CTSB: variants seen among roughly 807,000 people sequenced by gnomAD.
CTSB encodes the protein cathepsin B.
Under a neutral mutation model 44.3 loss-of-function variants are expected in CTSB, and 57 were observed. That is an observed-to-expected ratio of 1.29 (90% CI 1.04 to 1.60). CTSB has a LOEUF of 1.60. Among genes scored for constraint, CTSB ranks in the 40% most tolerant of loss-of-function variants. The probability of loss-of-function intolerance (pLI) is 0.00; values close to 1 mark genes in which losing one functional copy is unlikely to be tolerated. For missense variants in CTSB, 768 were observed against 443.0 expected, an observed-to-expected ratio of 1.73 and a Z score of -6.59; for synonymous variants, 320 against 168.0, an observed-to-expected ratio of 1.91 and a Z score of -7.00.
Position 11,867,080 on chromosome 8 carries a change from T to G in CTSB, c.-26+921A>C, listed in dbSNP as rs117131539. 2.6e-3 allele frequency among the ~76,000 whole-genome samples: 397 copies of G among 152,262 alleles called. 14 individuals are homozygous for G. In the East Asian group the frequency reaches 0.063, roughly 24 times the overall value. On this transcript the variant is annotated intron_variant, in intron 1 of 9. Transcript: ENST00000353047. ...GGGCCTGCGCTAGGGTCCTTTTCTT[T>G]GCCAGCCTGCTGGCTTTCTCAGCGC...
chr8:11,854,447 G>C (rs1815175490), intron 1 of CTSB, among the ~76,000 whole-genome samples: 1 of 151,902 alleles, frequency 6.6e-6, no homozygotes, highest in Admixed American at 6.6e-5. Flanking sequence ...ATTCATCTAG[G>C]AGAATAAATA....
chr8:11,864,180 G>C (rs1041786181), intron 1 of CTSB, among the ~76,000 whole-genome samples: 39 of 151,980 alleles, frequency 2.6e-4, no homozygotes, highest in African/African-American at 9.4e-4. Flanking sequence ...AGTTTTAAAA[G>C]TACAAAAAGG....
chr8:11,867,166 C>G (rs1287361823), intron 1 of CTSB: 3 of 152,256 alleles, frequency 2.0e-5, no homozygotes, highest in Admixed American at 2.0e-4. Flanking sequence ...CCACCTGGGT[C>G]GCCCACCCCA....
chr8:11,859,785 A>C (rs1226366012), intron 1 of CTSB, among the ~76,000 whole-genome samples: 1 of 136,550 alleles, frequency 7.3e-6, no homozygotes, highest in African/African-American at 2.8e-5. Context: ...AAAAAAAAAA[A>C]AAAAAAAGGC....
At chr8:11,856,884 T>C (rs1190737257) in intron 1 of CTSB, among the ~76,000 whole-genome samples, 1 of 152,120 alleles carries the variant, frequency 6.6e-6, no homozygotes, top group Non-Finnish European at 1.5e-5. Context: ...ATGTTCCTAT[T>C]ATTTCAGTTT....
chr8:11,867,090 C>A (rs1382341424), intron 1 of CTSB, among the ~76,000 whole-genome samples: 1 of 152,106 alleles, frequency 6.6e-6, no homozygotes. Flanking sequence ...TGCCAGCCTG[C>A]TGGCTTTCTC....
intron 5 of CTSB, 54 bp from the exon 6 acceptor site, chr8:11,848,206 A>G (rs759804140): frequency 6.6e-7 from 1 of 1,504,434 alleles, no homozygotes; most frequent in Non-Finnish European, 9.3e-7. Context: ...CCAGCTCTCC[A>G]GACCACTGTG....
intron 8 of CTSB, 142 bp from the exon 9 acceptor site, chr8:11,845,931 G>T: frequency 1.1e-6 from 1 of 951,700 alleles, no homozygotes; most frequent in Non-Finnish European, 1.5e-6. Context: ...AGGCTCCAGG[G>T]GGGGTCCCAC....
In CTSB at chr8:11,851,330, C is replaced by T. The variant is rs1814568335; in HGVS notation, c.213-350G>A. 4.0e-5 allele frequency among the ~76,000 whole-genome samples: 6 copies of T among 151,842 alleles called. No individual in the cohort carries two copies. In the South Asian group the frequency reaches 1.3e-3, roughly 32 times the overall value. Reference sequence around the variant, plus strand: ...TCAGCCTCCTGAGTAGCTGGGATTACAGGCATGCACCACCACACCCGGCTA... The same window carrying T: ...TCAGCCTCCTGAGTAGCTGGGATTATAGGCATGCACCACCACACCCGGCTA... On this transcript the variant is annotated intron_variant, in intron 3 of 9. Transcript: ENST00000353047.
Position 11,842,936 on chromosome 8 carries a change from CTT to C in CTSB, c.*2187_*2188del, listed in dbSNP as rs56927740. The C allele has an allele frequency of 0.33, 29,520 of 90,732 alleles. 4,763 individuals carry two copies. Among genetic ancestry groups the C allele is most frequent in the Non-Finnish European group, 0.39 (19,145 of 48,592 alleles). 5.6% of individuals were successfully genotyped at this position (90,732 alleles called of 1,614,324 possible). ...ACAGGCTTGAGCCACTGCGCCCGGC[CTT>C]TTTTTTTTTTTTTTTTTTTTTAATT... On this transcript the variant is annotated 3_prime_UTR_variant, in exon 10 of 10. Coordinates refer to ENST00000353047, the MANE Select transcript of CTSB (RefSeq NM_001908.5).
chr8:11,850,903 TTGATGG>T lies in CTSB; in HGVS notation c.284_289del (p.Thr95_Ile96del), dbSNP rs1248433914. The T allele has an allele frequency of 6.2e-7, 1 of 1,613,490 alleles. No homozygotes were observed. Among genetic ancestry groups the T allele is most frequent in the Middle Eastern group, 1.6e-4 (1 of 6,082 alleles). On this transcript the variant is annotated inframe_deletion, in exon 4 of 10. Transcript: ENST00000353047. ...ACAGGAGCCCTGGTCTCTGATCTCTTTGATGGTGGGACACTGTGGCCATTGTTCCCG... is the reference window on the plus strand; with the variant it reads ...ACAGGAGCCCTGGTCTCTGATCTCTTTGGGACACTGTGGCCATTGTTCCCG...
chr8:11,849,111 C>G lies in CTSB; in HGVS notation c.381G>C (p.Ala127=). The stretch of plus-strand genomic sequence containing the variant: ...CCGCCGACACCTCCACGCTGACGTG[C>G]GCATTGGTGTGGATGCAGATCCGGT... ...ISDRICIHTN[A]HVSVEVSAED... Residue 127 remains alanine, a synonymous_variant, in exon 5 of 10, where the codon GCG becomes GCC. Transcript: ENST00000353047. 1.9e-6 allele frequency: 3 copies of G among 1,613,550 alleles called. 1 individual carries two copies. Among genetic ancestry groups the G allele is most frequent in the East Asian group, 4.5e-5 (2 of 44,864 alleles).
chr8:11,856,519 A>G (rs919076493), intron 1 of CTSB, among the ~76,000 whole-genome samples: 9 of 152,170 alleles, frequency 5.9e-5, no homozygotes, highest in Non-Finnish European at 1.3e-4. Context: ...AGGCTGAGGC[A>G]GTAGAATCAC....
At position 11,849,407 on chromosome 8, in the gene CTSB, A is replaced by G. The variant is rs574889185; in HGVS notation, c.328-243T>C. On this transcript the variant is annotated intron_variant, in intron 4 of 9. Coordinates refer to ENST00000353047, the MANE Select transcript of CTSB (RefSeq NM_001908.5). ...GTGATTTGCCCACCTTGGCCTCCCA[A>G]AGTGCTGGGATTAGAGGCGTGATGA... 9.2e-4 allele frequency: 299 copies of G among 325,832 alleles called. 5 individuals carry two copies. The South Asian group carries it at 9.4e-3, about 10-fold the overall frequency. The allele number at this position is 325,832 out of a possible 1,614,324, so 20.2% of individuals were successfully genotyped here.
In CTSB at chr8:11,846,079, T is replaced by C. The variant is rs1813270594; in HGVS notation, c.794-290A>G. On this transcript the variant is annotated intron_variant, in intron 8 of 9. Transcript: ENST00000353047. ...TAATACATTCTAATTGATAAAACAT[T>C]TAATGCTAGATGACTGATTCATCTG... 1.3e-5 allele frequency: 3 copies of C among 236,508 alleles called. No homozygotes were observed. The Admixed American group carries it at 1.7e-4, about 14-fold the overall frequency. 14.7% of individuals were successfully genotyped at this position (236,508 alleles called of 1,614,324 possible).
chr8:11,866,854 C>T (rs574243042), intron 1 of CTSB, among the ~76,000 whole-genome samples: 9 of 152,330 alleles, frequency 5.9e-5, no homozygotes, highest in African/African-American at 1.9e-4. Flanking sequence ...AGCCAGCCAA[C>T]GCCCTCTTAG....
rs182876639 is a variant in CTSB, at chr8:11,845,596, C to T, written c.922+65G>A. ...TGTGCGGTGGGTAGAACAGAGAAAG[C>T]CGAGATGGCCACGGGGTGTGGCTCA... On this transcript the variant is annotated intron_variant, in intron 9 of 9. Transcript: ENST00000353047. 270 of 1,569,746 alleles carry T rather than the reference C, an allele frequency of 1.7e-4. 1 individual carries two copies. The African/African-American group carries it at 3.4e-3, about 20-fold the overall frequency.
Position 11,852,707 on chromosome 8 carries a change from T to G in CTSB, c.127-12A>C. On this transcript the variant is annotated splice_polypyrimidine_tract_variant and intron_variant, in intron 2 of 9. Coordinates refer to ENST00000353047, the MANE Select transcript of CTSB (RefSeq NM_001908.5). ...AAGTTGTGCCCGGCCTGGAAGAGAG[T>G]CACCCACTGACTGAAGGGTCTCCCG... The G allele has an allele frequency of 1.2e-6, 2 of 1,612,752 alleles. No homozygotes were observed. Among genetic ancestry groups the G allele is most frequent in the Non-Finnish European group, 8.5e-7 (1 of 1,179,258 alleles).
intron 1 of CTSB, among the ~76,000 whole-genome samples, chr8:11,866,630 C>G (rs936436524): frequency 6.6e-6 from 1 of 152,246 alleles, no homozygotes; most frequent in African/African-American, 2.4e-5. Flanking sequence ...GAGGCCGAGA[C>G]AGGCGGATCA....
Sources: allele counts gnomAD v4.1 joint callset (sites outside exome capture counted in the v4.1 genomes callset), GRCh38; gene constraint gnomAD v4.1.1; transcripts MANE v1.5; gene names NCBI Gene and HGNC (gene_info 2026-07-23, HGNC 2026-07-21).